UNC79: variants seen among roughly 807,000 people sequenced by gnomAD.
UNC79 encodes protein unc-79 homolog.
A neutral mutation model predicts 283.1 loss-of-function variants in UNC79; 37 were observed. The ratio of observed to expected loss-of-function variants is 0.13; its 90% CI spans 0.10 to 0.17. The LOEUF (loss-of-function observed/expected upper bound fraction) is 0.17, where lower values mean the gene tolerates loss of function less well. Ranked by LOEUF, UNC79 falls within the 10% of genes least tolerant of loss-of-function variation. The pLI is 1.00. For synonymous variants in UNC79, 1,107 were observed against 1,200.2 expected, an observed-to-expected ratio of 0.92 and a Z score of 1.61; for missense variants, 2,272 against 3,211.1, an observed-to-expected ratio of 0.71 and a Z score of 7.07.
At chr14:93,612,967 A>G in exon 27 of UNC79, 3 of 1,614,190 alleles carry the variant, frequency 1.9e-6, no homozygotes, top group Non-Finnish European at 2.5e-6. Flanking sequence ...CAACACGGTC[A>G]AGCGACACCT....
intron 1 of UNC79, among the ~76,000 whole-genome samples, chr14:93,433,663 G>T (rs901842868): frequency 6.6e-6 from 1 of 152,178 alleles, no homozygotes; most frequent in Non-Finnish European, 1.5e-5. Flanking sequence ...ACTGAGGAGG[G>T]AGAATTAGGC....
chr14:93,666,593 T>C (rs1029244207), intron 40 of UNC79, among the ~76,000 whole-genome samples: 1 of 152,136 alleles, frequency 6.6e-6, no homozygotes, highest in Non-Finnish European at 1.5e-5. Context: ...GCTAATAATA[T>C]AGCCTCCAAA....
exon 20 of UNC79, chr14:93,582,296 A>G (rs1471712555): frequency 1.9e-6 from 3 of 1,614,186 alleles, no homozygotes; most frequent in Non-Finnish European, 2.5e-6. Context: ...TCCTGCAAGC[A>G]AGCATGGGGA....
chr14:93,558,652 T>C (rs144945247), intron 14 of UNC79, among the ~76,000 whole-genome samples: 299 of 124,312 alleles, frequency 2.4e-3, no homozygotes, highest in African/African-American at 8.8e-3. Flanking sequence ...TTTACTTAAC[T>C]GGTTTGCACA....
intron 1 of UNC79, among the ~76,000 whole-genome samples, chr14:93,366,004 A>G (rs2054322803): frequency 6.6e-6 from 1 of 152,250 alleles, no homozygotes; most frequent in Non-Finnish European, 1.5e-5. Flanking sequence ...TCAGACAGAA[A>G]AAAAGAGGTT....
At chr14:93,464,468 C>T (rs183397660) in intron 1 of UNC79, 19 of 454,196 alleles carry the variant, frequency 4.2e-5, no homozygotes, top group South Asian at 1.1e-4. Flanking sequence ...GGGTCCACCA[C>T]GGAAACGGCC....
At chr14:93,642,133 G>C (rs1261172806) in intron 33 of UNC79, among the ~76,000 whole-genome samples, 1 of 152,046 alleles carries the variant, frequency 6.6e-6, no homozygotes, top group African/African-American at 2.4e-5. Context: ...CTGATAAAAG[G>C]TGAGGAAGGG....
chr14:93,388,647 CAT>C (rs998513108), intron 1 of UNC79, among the ~76,000 whole-genome samples: 23 of 152,268 alleles, frequency 1.5e-4, no homozygotes, highest in African/African-American at 5.1e-4. Flanking sequence ...CATTGCTTAA[CAT>C]TTTTTTTGTC....
chr14:93,618,459 TA>T (rs950363228), intron 29 of UNC79, 105 bp downstream of exon 30: 28,373 of 981,056 alleles, frequency 0.029, no homozygotes, highest in South Asian at 0.038. Flanking sequence ...CATTCTGGAG[TA>T]AAAAAAAAAA....
In UNC79 at chr14:93,487,132, TTTAAA is replaced by T. The variant is rs1485237625; in HGVS notation, c.620-526_620-522del. 7.9e-5 allele frequency among the ~76,000 whole-genome samples: 12 copies of T among 152,316 alleles called. No homozygotes were observed. The East Asian group carries it at 1.2e-3, about 15-fold the overall frequency. Reference sequence around the variant, plus strand: ...TAATGATATGTGAAAATTGAAAATCTTTAAATTAATATATCATTATTTTTTATAAT... The same window carrying T: ...TAATGATATGTGAAAATTGAAAATCTTTAATATATCATTATTTTTTATAAT... On this transcript the variant is annotated intron_variant, in intron 4 of 48. Coordinates refer to ENST00000555664, the Ensembl canonical transcript of UNC79.
At chr14:93,686,526 C>T in intron 42 of UNC79, 46 bp from the exon 46 acceptor site, 2 of 1,600,502 alleles carry the variant, frequency 1.2e-6, no homozygotes, top group South Asian at 1.1e-5. Flanking sequence ...TCATTGGAGT[C>T]AGGGCAAAAA....
At chr14:93,568,583 A>T (rs1013860070) in intron 14 of UNC79, among the ~76,000 whole-genome samples, 7 of 152,138 alleles carry the variant, frequency 4.6e-5, no homozygotes, top group African/African-American at 1.7e-4. Flanking sequence ...AGGCAGGAGA[A>T]TCACTTGAAT....
At chr14:93,442,681 T>C (rs905749712) in intron 1 of UNC79, among the ~76,000 whole-genome samples, 3 of 152,194 alleles carry the variant, frequency 2.0e-5, no homozygotes, top group African/African-American at 7.2e-5. Context: ...TTATCCTCTT[T>C]TTGTTTACGT....
chr14:93,481,075 TC>T (rs2058112715), intron 4 of UNC79, among the ~76,000 whole-genome samples: 1 of 152,170 alleles, frequency 6.6e-6, no homozygotes, highest in Non-Finnish European at 1.5e-5. Context: ...ATCAGAGATT[TC>T]CTCCTTACCA....
At chr14:93,346,861 A>C (rs1240023880) in intron 1 of UNC79, among the ~76,000 whole-genome samples, 1 of 151,948 alleles carries the variant, frequency 6.6e-6, no homozygotes, top group Non-Finnish European at 1.5e-5. Flanking sequence ...AGAGGATAGG[A>C]CACGTGGGTG....
At chr14:93,347,097 G>T (rs1202631079) in intron 1 of UNC79, 13 of 626,370 alleles carry the variant, frequency 2.1e-5, no homozygotes, top group East Asian at 1.5e-4. Context: ...AAGAGGCGGG[G>T]CAGAGCAGGA....
exon 20 of UNC79, chr14:93,582,294 G>A (rs990299204): frequency 1.2e-6 from 2 of 1,614,080 alleles, no homozygotes; most frequent in Non-Finnish European, 1.7e-6. Context: ...AATCCTGCAA[G>A]CAAGCATGGG....
At chr14:93,451,547 G>A (rs934816617) in intron 1 of UNC79, among the ~76,000 whole-genome samples, 34 of 152,222 alleles carry the variant, frequency 2.2e-4, no homozygotes, top group African/African-American at 8.2e-4. Context: ...CTGCCATTCC[G>A]GAGACCCTCT....
At chr14:93,381,070 A>T (rs1047821367) in intron 1 of UNC79, among the ~76,000 whole-genome samples, 2 of 152,222 alleles carry the variant, frequency 1.3e-5, no homozygotes, top group Non-Finnish European at 2.9e-5. Context: ...AAACAAATAC[A>T]TGGAATGGAA....
Sources: gnomAD v4.1 joint callset for allele counts (sites outside exome capture counted in the v4.1 genomes callset) on GRCh38, gnomAD v4.1.1 for gene constraint, MANE v1.5 for transcripts, NCBI Gene and HGNC (gene_info 2026-07-23, HGNC 2026-07-21) for gene names.